Variants in CIT observed in about 807,000 individuals in gnomAD.
The protein encoded by CIT is citron rho-interacting serine/threonine kinase.
Under a neutral mutation model 272.7 loss-of-function variants are expected in CIT, and 79 were observed. The ratio of observed to expected loss-of-function variants is 0.29; its 90% confidence interval spans 0.24 to 0.35. The LOEUF (loss-of-function observed/expected upper bound fraction) is 0.35. Among genes scored for constraint, CIT ranks in the 10% least tolerant of loss-of-function variants. The pLI, the probability that CIT is intolerant of heterozygous loss-of-function variation, is 1.00. For missense variants in CIT, 1,909 were observed against 2,618.3 expected (o/e 0.73, Z 5.91); for synonymous variants, 948 against 995.6 (o/e 0.95, Z 0.90).
At chr12:119,824,082 CA>C (rs2138054925) in intron 8 of CIT, among the ~76,000 whole-genome samples, 1 of 129,426 alleles carries the variant, frequency 7.7e-6, no homozygotes, top group East Asian at 2.2e-4. Flanking sequence ...TAGTAGAAAG[CA>C]CAGTTATTAG....
chr12:119,856,975 C>T (rs1950190451), intron 4 of CIT, among the ~76,000 whole-genome samples: 1 of 152,172 alleles, frequency 6.6e-6, no homozygotes, highest in Non-Finnish European at 1.5e-5. Flanking sequence ...CTCTAAAACA[C>T]AGCAAATGAA....
chr12:119,796,873 G>C (rs549602179), intron 10 of CIT, among the ~76,000 whole-genome samples: 1 of 152,212 alleles, frequency 6.6e-6, no homozygotes. Flanking sequence ...ACGTTGTCTC[G>C]AAGAAAGGTA....
At chr12:119,764,674 A>T (rs1962204450) in intron 19 of CIT, among the ~76,000 whole-genome samples, 1 of 152,162 alleles carries the variant, frequency 6.6e-6, no homozygotes. Flanking sequence ...AGACACAGCT[A>T]AGAAAGAATT....
intron 23 of CIT, among the ~76,000 whole-genome samples, chr12:119,747,610 C>T (rs1239529466): frequency 1.3e-5 from 2 of 151,734 alleles, no homozygotes; most frequent in Non-Finnish European, 1.5e-5. Flanking sequence ...GTCCCAGCTA[C>T]TCGGGAGGCT....
At chr12:119,698,732 G>T (rs1044338371) in intron 44 of CIT, among the ~76,000 whole-genome samples, 1 of 152,160 alleles carries the variant, frequency 6.6e-6, no homozygotes, top group Non-Finnish European at 1.5e-5. Context: ...GAATCATGTG[G>T]GAAGTATTCT....
chr12:119,788,503 G>A (rs1965006581), intron 10 of CIT, among the ~76,000 whole-genome samples: 1 of 152,128 alleles, frequency 6.6e-6, no homozygotes, highest in Admixed American at 6.6e-5. Flanking sequence ...TTGTGCTTAA[G>A]CAAAAAACTG....
At position 119,713,461 on chromosome 12, in the gene CIT, A is replaced by G; in HGVS notation, c.4487+7T>C. 6.2e-7 allele frequency: 1 copy of G among 1,613,516 alleles called. No individual in the cohort carries two copies. Among genetic ancestry groups the G allele is most frequent in the Non-Finnish European group, 8.5e-7 (1 of 1,179,654 alleles). On this transcript the variant is annotated splice_region_variant and intron_variant, in intron 34 of 47. Coordinates refer to ENST00000392521, the MANE Select transcript of CIT (RefSeq NM_001206999.2). This position sits in a 1 kb window ranked among gnomAD's most constrained non-coding sequence, Gnocchi z 5.2. ...CTGCTCCAGCCCAAGCCACCCTGAC[A>G]TGGTACCTGGGCACCTTCATCCACC... is the stretch of plus-strand genomic sequence containing the variant.
At chr12:119,765,243 A>G (rs1962279741) in intron 19 of CIT, among the ~76,000 whole-genome samples, 1 of 151,506 alleles carries the variant, frequency 6.6e-6, no homozygotes, top group Non-Finnish European at 1.5e-5. Context: ...TCTACAAAAA[A>G]CATTTTTTAA....
chr12:119,815,269 T>C (rs1967070158), intron 9 of CIT, among the ~76,000 whole-genome samples: 1 of 151,436 alleles, frequency 6.6e-6, no homozygotes, highest in African/African-American at 2.4e-5. Flanking sequence ...GGGGTTTTCA[T>C]TTGAGAAGAG....
chr12:119,832,156 C>G (rs1818152505), intron 7 of CIT, among the ~76,000 whole-genome samples: 2 of 152,300 alleles, frequency 1.3e-5, no homozygotes, highest in South Asian at 4.1e-4. Flanking sequence ...TATTTTAGTA[C>G]ATACCAACTT....
At chr12:119,853,100 G>A (rs1434206462) in intron 4 of CIT, among the ~76,000 whole-genome samples, 16 of 151,984 alleles carry the variant, frequency 1.1e-4, no homozygotes, top group African/African-American at 3.1e-4. Flanking sequence ...GCCAAGGCAC[G>A]TGGACTACTG....
chr12:119,784,768 T>C lies in CIT; in HGVS notation c.1401+192A>G. On this transcript the variant is annotated intron_variant, in intron 11 of 47. Transcript: ENST00000392521. The surrounding 1 kb of genome is among the most constrained non-coding windows in gnomAD (Gnocchi z 4.7). ...CTCCTCTGGTTTAGATTTAAAGGAT[T>C]TACAGCAACAGCAAGGCCCGAATTC... is the stretch of plus-strand genomic sequence containing the variant. 1.4e-6 allele frequency: 2 copies of C among 1,421,224 alleles called. No individual in the cohort carries two copies. Among genetic ancestry groups the C allele is most frequent in the Non-Finnish European group, 1.8e-6 (2 of 1,091,584 alleles). 88.0% of individuals were successfully genotyped at this position (1,421,224 alleles called of 1,614,324 possible).
intron 13 of CIT, among the ~76,000 whole-genome samples, chr12:119,781,724 G>C (rs1003246926): frequency 6.6e-6 from 1 of 152,128 alleles, no homozygotes; most frequent in Non-Finnish European, 1.5e-5. Context: ...AAAACACAGG[G>C]GACAGCCTTC....
In CIT at chr12:119,708,176, T is replaced by C. The variant is rs1483197627; in HGVS notation, c.5211+3A>G. On this transcript the variant is annotated splice_donor_region_variant and intron_variant, in intron 40 of 47. Coordinates refer to ENST00000392521, the MANE Select transcript of CIT (RefSeq NM_001206999.2). ...ACCAGCTAGGACTCTGAGGGGAGCTTACCTTGCCTGCCCCAAACAAGTGGC... is the reference window on the plus strand; with the variant it reads ...ACCAGCTAGGACTCTGAGGGGAGCTCACCTTGCCTGCCCCAAACAAGTGGC... 1 of 1,567,636 alleles carries C rather than the reference T, an allele frequency of 6.4e-7. No individual in the cohort carries two copies.
intron 23 of CIT, among the ~76,000 whole-genome samples, chr12:119,744,166 A>G (rs1488878411): frequency 6.6e-6 from 1 of 152,186 alleles, no homozygotes; most frequent in African/African-American, 2.4e-5. Context: ...AAAAACAAAC[A>G]AACAAACAAA....
intron 10 of CIT, among the ~76,000 whole-genome samples, chr12:119,787,717 T>C (rs679773): frequency 0.45 from 52,810 of 117,816 alleles, 12,121 homozygotes; most frequent in Admixed American, 0.58. Context: ...GGCAACAGAG[T>C]GAGACTCCGT....
At chr12:119,730,780 C>CCTTT in intron 26 of CIT, 150 bp from the exon 27 acceptor site, 6 of 804,758 alleles carry the variant, frequency 7.5e-6, no homozygotes, top group Non-Finnish European at 1.1e-5. Flanking sequence ...AAACTGTCTT[C>CCTTT]CTTTCCAACA....
chr12:119,864,688 T>C (rs1406127120), intron 3 of CIT, among the ~76,000 whole-genome samples: 1 of 152,228 alleles, frequency 6.6e-6, no homozygotes, highest in Non-Finnish European at 1.5e-5. Flanking sequence ...AATTATCTGA[T>C]ACTGTGCTTA....
intron 4 of CIT, among the ~76,000 whole-genome samples, chr12:119,856,287 A>G (rs1268146265): frequency 6.6e-6 from 1 of 152,192 alleles, no homozygotes; most frequent in African/African-American, 2.4e-5. Context: ...GAGGTATTGT[A>G]TAATGGATAG....
Sources: gnomAD v4.1 joint callset for allele counts (sites outside exome capture counted in the v4.1 genomes callset) on GRCh38, gnomAD v4.1.1 for gene constraint, Gnocchi (gnomAD v3.1) non-coding constraint, MANE v1.5 for transcripts, NCBI Gene and HGNC (gene_info 2026-07-23, HGNC 2026-07-21) for gene names.